DIAPH2: variants seen among roughly 807,000 people sequenced by gnomAD.
The protein encoded by DIAPH2 is protein diaphanous homolog 2.
In DIAPH2, 35 loss-of-function variants were observed where a neutral mutation model predicts 92.7. The ratio of observed to expected loss-of-function variants is 0.38; its 90% CI spans 0.29 to 0.50. The LOEUF (loss-of-function observed/expected upper bound fraction) is 0.50. Among genes scored for constraint, DIAPH2 ranks in the 20% least tolerant of loss-of-function variants. The probability of loss-of-function intolerance (pLI) is 0.94; values close to 1 mark genes in which losing one functional copy is unlikely to be tolerated. For missense variants in DIAPH2, 701 were observed against 819.5 expected (o/e 0.86, Z 1.77); for synonymous variants, 301 against 280.4 (o/e 1.07, Z -0.73).
At chrX:97,282,874 A>G (rs1422700716) in intron 23 of DIAPH2, among the ~76,000 whole-genome samples, 1 of 111,927 alleles carries the variant, frequency 8.9e-6, no homozygotes, top group Non-Finnish European at 1.9e-5. Flanking sequence ...GAAAAAGATC[A>G]TGATTTGCAT....
At chrX:97,007,305 A>G (rs2066190016) in intron 17 of DIAPH2, among the ~76,000 whole-genome samples, 1 of 111,730 alleles carries the variant, frequency 9.0e-6, no homozygotes, top group African/African-American at 3.2e-5. Context: ...CTTCTTGCTC[A>G]TTAATGTCCT....
chrX:97,604,000 A>AAT lies in DIAPH2; in HGVS notation c.*4684_*4685dup, dbSNP rs1200949117. On this transcript the variant is annotated 3_prime_UTR_variant, in exon 27 of 27. Coordinates refer to ENST00000324765, the MANE Select transcript of DIAPH2 (RefSeq NM_006729.5). ...TTAGATTCCCATGGCTGCTGTAACAAATTACCCTCTAGCCCAGTGGCTTAA... is the reference window on the plus strand; with the variant it reads ...TTAGATTCCCATGGCTGCTGTAACAAATATTACCCTCTAGCCCAGTGGCTTAA... 1.8e-5 allele frequency: 2 copies of AAT among 112,741 alleles called. No individual in the cohort carries two copies. Among genetic ancestry groups the AAT allele is most frequent in the Non-Finnish European group, 3.8e-5 (2 of 53,312 alleles). 9.3% of individuals were successfully genotyped at this position (112,741 alleles called of 1,213,427 possible).
At chrX:97,132,383 T>C (rs764342646) in intron 21 of DIAPH2, among the ~76,000 whole-genome samples, 1 of 111,735 alleles carries the variant, frequency 8.9e-6, no homozygotes, top group South Asian at 3.8e-4. Context: ...GATTTAGAAA[T>C]AAAGCTGGGA....
At chrX:96,801,941 CAGTG>C (rs1460585788) in intron 4 of DIAPH2, among the ~76,000 whole-genome samples, 1 of 111,503 alleles carries the variant, frequency 9.0e-6, no homozygotes, top group Non-Finnish European at 1.9e-5. Context: ...TATTACAGCT[CAGTG>C]AGTTATCTCA....
rs758079265 is a variant in DIAPH2, at chrX:96,751,943, G to A, written c.343-6211G>A. 1.5e-3 allele frequency among the ~76,000 whole-genome samples: 148 copies of A among 98,921 alleles called. 7 individuals are homozygous for A. Among genetic ancestry groups the A allele is most frequent in the Non-Finnish European group, 2.3e-3 (105 of 45,376 alleles). 85.9% of individuals were successfully genotyped at this position (98,921 alleles called of 115,157 possible). On this transcript the variant is annotated intron_variant, in intron 3 of 26. Transcript: ENST00000324765. ...GCTGGTATTACAGGCGTGAGCCACC[G>A]CGCCCGGCCGACTTCAGTGTTTTTT... is the stretch of plus-strand genomic sequence containing the variant.
chrX:97,548,391 T>C (rs1408551820), intron 26 of DIAPH2, among the ~76,000 whole-genome samples: 1 of 111,771 alleles, frequency 8.9e-6, no homozygotes, highest in African/African-American at 3.3e-5. Context: ...TTGTTGTGAG[T>C]TTTCATTTTG....
chrX:97,596,073 G>T (rs1350323356), intron 26 of DIAPH2, among the ~76,000 whole-genome samples: 1 of 112,106 alleles, frequency 8.9e-6, no homozygotes, highest in East Asian at 2.8e-4. Context: ...ATCTGTTAGC[G>T]CATGCATAGC....
At chrX:97,303,914 G>T (rs1014056789) in intron 23 of DIAPH2, among the ~76,000 whole-genome samples, 14 of 111,303 alleles carry the variant, frequency 1.3e-4, no homozygotes, top group African/African-American at 4.2e-4. Flanking sequence ...TATGCAAAAG[G>T]CATGGGTAAA....
At chrX:96,858,791 G>T (rs995697772) in intron 4 of DIAPH2, among the ~76,000 whole-genome samples, 3 of 112,008 alleles carry the variant, frequency 2.7e-5, no homozygotes, top group Non-Finnish European at 3.8e-5. Flanking sequence ...AGGTGTCATT[G>T]CCTGGAAGCA....
chrX:96,768,936 G>A (rs1025461030), intron 4 of DIAPH2, among the ~76,000 whole-genome samples: 1 of 111,808 alleles, frequency 8.9e-6, no homozygotes, highest in African/African-American at 3.3e-5. Flanking sequence ...AGGAGCCCTG[G>A]AAGGGTTTGA....
chrX:97,255,999 C>T (rs2068233168), intron 23 of DIAPH2, among the ~76,000 whole-genome samples: 1 of 112,015 alleles, frequency 8.9e-6, no homozygotes, highest in Non-Finnish European at 1.9e-5. Context: ...TACATAAACC[C>T]TTTCAGGCCA....
At chrX:97,579,649 G>A (rs925373407) in intron 26 of DIAPH2, among the ~76,000 whole-genome samples, 5 of 110,322 alleles carry the variant, frequency 4.5e-5, no homozygotes, top group Non-Finnish European at 7.6e-5. Flanking sequence ...TTGGCGATGC[G>A]GGCTCTTTTT....
intron 4 of DIAPH2, among the ~76,000 whole-genome samples, chrX:96,816,557 T>C (rs2147669590): frequency 8.9e-6 from 1 of 112,416 alleles, no homozygotes; most frequent in Admixed American, 9.4e-5. Context: ...GGCTTTTGTC[T>C]AAAAGACAGG....
At chrX:96,881,415 A>C (rs983570681) in intron 4 of DIAPH2, among the ~76,000 whole-genome samples, 164 bp from the exon 5 acceptor site, 7 of 111,239 alleles carry the variant, frequency 6.3e-5, no homozygotes, top group Non-Finnish European at 1.1e-4. Context: ...AAATGTTGAG[A>C]TATATACAAC....
At position 97,404,781 on chromosome X, in the gene DIAPH2, A is replaced by G. The variant is rs750889180; in HGVS notation, c.3145+20737A>G. On this transcript the variant is annotated intron_variant, in intron 25 of 26. Transcript: ENST00000324765. ...GACGTTCTCTTACAAGAAACTCACT[A>G]AAATGACAAAGAGCATGAAAAAATG... Among the ~76,000 whole-genome samples, 18 of 112,325 alleles carry G rather than the reference A, an allele frequency of 1.6e-4. 1 individual carries two copies. In the East Asian group the frequency reaches 5.0e-3, roughly 31 times the overall value.
At chrX:97,185,259 C>G (rs1429572393) in intron 22 of DIAPH2, among the ~76,000 whole-genome samples, 2 of 81,769 alleles carry the variant, frequency 2.4e-5, no homozygotes, top group Non-Finnish European at 4.6e-5. Flanking sequence ...AAAATTGCAC[C>G]ACTGCACTCT....
At chrX:97,084,019 C>A (rs1444548731) in intron 19 of DIAPH2, among the ~76,000 whole-genome samples, 1 of 110,549 alleles carries the variant, frequency 9.0e-6, no homozygotes, top group Non-Finnish European at 1.9e-5. Context: ...TTTTTTTTTC[C>A]TTTACCACAT....
At chrX:96,927,282 ATTTTTTT>A (rs5903060) in intron 9 of DIAPH2, among the ~76,000 whole-genome samples, 33 of 82,129 alleles carry the variant, frequency 4.0e-4, no homozygotes, top group African/African-American at 8.5e-4. Flanking sequence ...CTGGAGTTGA[ATTTTTTT>A]TTTTTTTTTT....
intron 17 of DIAPH2, among the ~76,000 whole-genome samples, chrX:97,029,597 A>G (rs1444713810): frequency 1.8e-5 from 2 of 110,894 alleles, no homozygotes; most frequent in Non-Finnish European, 3.8e-5. Flanking sequence ...CTGTTGCCTA[A>G]TCTAAGGTCA....
Sources: gnomAD v4.1 joint callset for allele counts (sites outside exome capture counted in the v4.1 genomes callset) on GRCh38, gnomAD v4.1.1 for gene constraint, MANE v1.5 for transcripts, NCBI Gene and HGNC (gene_info 2026-07-23, HGNC 2026-07-21) for gene names.